The following TNC variants were observed in gnomAD, a reference collection of about 807,000 sequenced individuals.
The protein encoded by TNC is tenascin.
Under a neutral mutation model 202.4 loss-of-function variants are expected in TNC, and 109 were observed. That is an observed-to-expected ratio of 0.54 (90% CI 0.46 to 0.63). The LOEUF is 0.63. Among genes scored for constraint, TNC ranks in the 30% least tolerant of loss-of-function variants. The pLI, the probability that TNC is intolerant of heterozygous loss-of-function variation, is 0.00. For missense variants in TNC, 2,756 were observed against 2,833.3 expected, an observed-to-expected ratio of 0.97 and a Z score of 0.62; for synonymous variants, 1,007 against 1,089.7, an observed-to-expected ratio of 0.92 and a Z score of 1.50.
intron 1 of TNC, among the ~76,000 whole-genome samples, chr9:115,094,543 A>T (rs1250670870): frequency 6.6e-6 from 1 of 152,218 alleles, no homozygotes; most frequent in Non-Finnish European, 1.5e-5. Context: ...GACATGAAGA[A>T]TCATGTTCTG....
chr9:115,053,012 G>T (rs1409763923), intron 15 of TNC: 3 of 698,078 alleles, frequency 4.3e-6, no homozygotes, highest in African/African-American at 3.5e-5. Context: ...CTGTGGCTTT[G>T]GTTCTAAAGA....
At chr9:115,038,856 G>A (rs1388232540) in intron 19 of TNC, among the ~76,000 whole-genome samples, 1 of 151,102 alleles carries the variant, frequency 6.6e-6, no homozygotes, top group Non-Finnish European at 1.5e-5. Context: ...GAGACAGACT[G>A]TCACTCTGTC....
chr9:115,109,927 T>C (rs950944680), intron 1 of TNC, among the ~76,000 whole-genome samples: 3 of 152,228 alleles, frequency 2.0e-5, no homozygotes, highest in African/African-American at 7.2e-5. Context: ...CTCCTATTAA[T>C]TGCTAAAGAT....
At chr9:115,059,393 T>C (rs1379194862) in intron 14 of TNC, among the ~76,000 whole-genome samples, 1 of 152,210 alleles carries the variant, frequency 6.6e-6, no homozygotes, top group African/African-American at 2.4e-5. Context: ...AAGCTTTTAG[T>C]TATCTCCAAG....
chr9:115,090,879 G>A lies in TNC; in HGVS notation c.140C>T (p.Pro47Leu), dbSNP rs1405131673. 3 of 1,614,096 alleles carry A rather than the reference G, an allele frequency of 1.9e-6. No individual in the cohort carries two copies. Among genetic ancestry groups the A allele is most frequent in the African/African-American group, 2.7e-5 (2 of 74,928 alleles). The change falls in exon 2 of 28, where the codon CCA (proline) becomes CTA (leucine). Residue 47 changes from proline to leucine, a missense_variant. Around this residue, in one of 2 missense-constraint regions of TNC, gnomAD observed 2,559 missense variants for 2,546.0 expected, o/e 1.01. Coordinates refer to ENST00000350763, the MANE Select transcript of TNC (RefSeq NM_002160.4). ...VNATLPEENQ[P>L]VVFNHVYNIK... ...GTTGTAAACGTGGTTAAACACCACT[G>A]GCTGGTTCTCTTCTGGCAGGGTGGC...
At chr9:115,024,188 C>T (rs772296429) in intron 26 of TNC, 52 bp from the exon 27 acceptor site, 1 of 1,588,920 alleles carries the variant, frequency 6.3e-7, no homozygotes, top group South Asian at 1.1e-5. Context: ...AAATTTCCCT[C>T]CTGGACAGTA....
At position 115,082,687 on chromosome 9, in the gene TNC, C is replaced by T; in HGVS notation, c.2247+5G>A. ...CAAATGGATCTGCTCTTTTGTACTCCTTACCATATTCCGGAAGATGATCTC... is the reference window on the plus strand; with the variant it reads ...CAAATGGATCTGCTCTTTTGTACTCTTTACCATATTCCGGAAGATGATCTC... On this transcript the variant is annotated splice_donor_5th_base_variant and intron_variant, in intron 5 of 27. Transcript: ENST00000350763. 1 of 1,597,690 alleles carries T rather than the reference C, an allele frequency of 6.3e-7. No homozygotes were observed. Among genetic ancestry groups the T allele is most frequent in the South Asian group, 1.1e-5 (1 of 90,754 alleles).
chr9:115,042,228 T>A lies in TNC; in HGVS notation c.5239A>T (p.Ile1747Phe), dbSNP rs773026384. 1 of 1,613,880 alleles carries A rather than the reference T, an allele frequency of 6.2e-7. No homozygotes were observed. Among genetic ancestry groups the A allele is most frequent in the African/African-American group, 1.3e-5 (1 of 74,918 alleles). Residue 1747 changes from isoleucine (I) to phenylalanine (F), a missense_variant, in exon 18 of 28, where the codon ATT (isoleucine) becomes TTT (phenylalanine). This residue lies in a region of TNC where 2,559 missense variants were observed against 2,546.0 expected (regional missense o/e 1.01). Transcript: ENST00000350763. ...TTTCCGAGTCTCCTACCTCCTGTAA[T>A]GGGCACATAGGTAATCCGGAAGCTC... ...VESFRITYVP[I>F]TGGTPSMVTV...
intron 13 of TNC, 148 bp from the exon 14 acceptor site, chr9:115,060,150 T>C: frequency 5.8e-6 from 5 of 863,138 alleles, no homozygotes; most frequent in Non-Finnish European, 8.6e-6. Flanking sequence ...CAATTTGAAC[T>C]GTGGTTCCCT....
At chr9:115,070,820 A>G (rs1484049349) in intron 10 of TNC, among the ~76,000 whole-genome samples, 1 of 152,176 alleles carries the variant, frequency 6.6e-6, no homozygotes, top group Non-Finnish European at 1.5e-5. Context: ...TTCACCCAAG[A>G]GCTCTCGCTT....
In TNC at chr9:115,026,582, C is replaced by T. The variant is rs780481700; in HGVS notation, c.6283G>A (p.Ala2095Thr). 6.2e-7 allele frequency: 1 copy of T among 1,614,030 alleles called. No individual in the cohort carries two copies. Among genetic ancestry groups the T allele is most frequent in the South Asian group, 1.1e-5 (1 of 91,084 alleles). The change falls in exon 26 of 28, where the codon GCC (alanine) becomes ACC (threonine). Residue 2095 changes from alanine (A) to threonine (T), a missense_variant. Physicochemically the swap from Ala to Thr is moderately conservative, Grantham distance 58. Coordinates refer to ENST00000350763, the MANE Select transcript of TNC (RefSeq NM_002160.4). ...AVYDKFSVGD[A>T]KTRYKLKVEG... The stretch of plus-strand genomic sequence containing the variant: ...ACCTTCAGCTTGTAGCGAGTCTTGG[C>T]ATCTCCCACGCTGAACTTGTCATAG...
chr9:115,051,285 T>C (rs1831630792), intron 15 of TNC, among the ~76,000 whole-genome samples: 1 of 152,060 alleles, frequency 6.6e-6, no homozygotes, highest in Non-Finnish European at 1.5e-5. Context: ...CCATCTGAGG[T>C]TGAACCTTCA....
At position 115,086,208 on chromosome 9, in the gene TNC, C is replaced by A. The variant is rs1213109968; in HGVS notation, c.1523G>T (p.Arg508Met). 6.2e-7 allele frequency: 1 copy of A among 1,614,080 alleles called. No homozygotes were observed. Among genetic ancestry groups the A allele is most frequent in the African/African-American group, 1.3e-5 (1 of 74,940 alleles). The change falls in exon 3 of 28, where the codon AGG (arginine) becomes ATG (methionine). Residue 508 changes from arginine (R) to methionine (M), a missense_variant. By Grantham distance (91) the Arg-to-Met change is moderately conservative. Around this residue, in one of 2 missense-constraint regions of TNC, gnomAD observed 2,559 missense variants for 2,546.0 expected, o/e 1.01. Coordinates refer to ENST00000350763, the MANE Select transcript of TNC (RefSeq NM_002160.4). The stretch of plus-strand genomic sequence containing the variant: ...GCACTGTCCGTCCACACAGAGGCCC[C>A]TGTTGCTGCAGTCCCTGGGGCATTG... Reference protein sequence around the residue: ...DRQCPRDCSNRGLCVDGQCVC... With the variant: ...DRQCPRDCSNMGLCVDGQCVC...
intron 23 of TNC, among the ~76,000 whole-genome samples, chr9:115,031,263 C>T (rs1281131042): frequency 6.6e-6 from 1 of 152,138 alleles, no homozygotes; most frequent in Non-Finnish European, 1.5e-5. Context: ...TATTAATCTC[C>T]CTGTATAGAC....
chr9:115,085,844 G>A lies in TNC; in HGVS notation c.1867+20C>T. 1 of 1,588,056 alleles carries A rather than the reference G, an allele frequency of 6.3e-7. No homozygotes were observed. The highest frequency in any genetic ancestry group is 1.7e-4 in the Middle Eastern group (1 of 5,984). On this transcript the variant is annotated intron_variant, in intron 3 of 27. Transcript: ENST00000350763. ...ACTCCATCATGGCCATTATATGCTG[G>A]TCTGCGCCCTGGCACTCACCCTCTG...
Position 115,060,103 on chromosome 9 carries a change from T to A in TNC, c.4034-101A>T, listed in dbSNP as rs1002641392. ...CTAGGAAAGAGAGAAAGGGGAAAGA[T>A]AATTTTTTTTTTTAATTCTTGGTCT... is the stretch of plus-strand genomic sequence containing the variant. On this transcript the variant is annotated intron_variant, in intron 13 of 27. Coordinates refer to ENST00000350763, the MANE Select transcript of TNC (RefSeq NM_002160.4). The A allele has an allele frequency of 1.1e-5, 15 of 1,305,400 alleles. No homozygotes were observed. The Admixed American group carries it at 4.3e-4, about 37-fold the overall frequency. The allele number at this position is 1,305,400 out of a possible 1,614,324, so 80.9% of individuals were successfully genotyped here. A position where few individuals can be genotyped will look rare whatever the true frequency, so the allele number is the denominator to read the frequency against.
At chr9:115,056,628 T>C (rs1290442884) in intron 15 of TNC, among the ~76,000 whole-genome samples, 1 of 152,246 alleles carries the variant, frequency 6.6e-6, no homozygotes, top group Non-Finnish European at 1.5e-5. Flanking sequence ...GGCTGCCTCC[T>C]GCACTCATCT....
At chr9:115,043,798 C>T (rs537897160) in intron 17 of TNC, among the ~76,000 whole-genome samples, 1 of 152,306 alleles carries the variant, frequency 6.6e-6, no homozygotes, top group South Asian at 2.1e-4. Flanking sequence ...TGAGGACTTC[C>T]CTCTGCCAAC....
intron 9 of TNC, among the ~76,000 whole-genome samples, chr9:115,075,500 A>T (rs1833776524): frequency 6.6e-6 from 1 of 152,154 alleles, no homozygotes; most frequent in African/African-American, 2.4e-5. Flanking sequence ...TCTTTAAAAA[A>T]TCCCGGCTGG....
Sources: allele counts gnomAD v4.1 joint callset (sites outside exome capture counted in the v4.1 genomes callset), GRCh38; gene constraint gnomAD v4.1.1; regional missense constraint gnomAD v4.1.1; transcripts MANE v1.5; gene names NCBI Gene and HGNC (gene_info 2026-07-23, HGNC 2026-07-21).